MYO5B: variants seen among roughly 807,000 people sequenced by gnomAD.
MYO5B encodes unconventional myosin-Vb.
Under a neutral mutation model 229.3 loss-of-function variants are expected in MYO5B, and 143 were observed. The ratio of observed to expected loss-of-function variants is 0.62; its 90% CI spans 0.54 to 0.72. The LOEUF is 0.72. Among genes scored for constraint, MYO5B ranks in the 30% least tolerant of loss-of-function variants. The probability of loss-of-function intolerance (pLI) is 0.00; values close to 1 mark genes in which losing one functional copy is unlikely to be tolerated. For synonymous variants in MYO5B, 918 were observed against 885.2 expected, an observed-to-expected ratio of 1.04 and a Z score of -0.66; for missense variants, 2,321 against 2,331.0, an observed-to-expected ratio of 1.00 and a Z score of 0.09.
chr18:50,047,592 A>G (rs999812398), intron 2 of MYO5B, among the ~76,000 whole-genome samples: 1 of 152,222 alleles, frequency 6.6e-6, no homozygotes, highest in Non-Finnish European at 1.5e-5. Context: ...ATTACTGGGT[A>G]TATACCCAAA....
chr18:49,887,958 T>G (rs557149171), intron 22 of MYO5B, among the ~76,000 whole-genome samples: 33 of 152,236 alleles, frequency 2.2e-4, no homozygotes, highest in Admixed American at 3.9e-4. Flanking sequence ...AGTGCTGGGA[T>G]TACAGACATG....
chr18:49,830,144 T>TA (rs1568600047), intron 39 of MYO5B, among the ~76,000 whole-genome samples: 3 of 46,054 alleles, frequency 6.5e-5, no homozygotes, highest in African/African-American at 1.7e-4. Flanking sequence ...ACTGAAAGAA[T>TA]CCACACACAC....
At chr18:50,167,195 T>C (rs1324140438) in intron 1 of MYO5B, among the ~76,000 whole-genome samples, 1 of 152,252 alleles carries the variant, frequency 6.6e-6, no homozygotes, top group Non-Finnish European at 1.5e-5. Flanking sequence ...TTGCTGTATA[T>C]TGCAGAAGGC....
chr18:50,170,370 A>C (rs1285081295), intron 1 of MYO5B, among the ~76,000 whole-genome samples: 1 of 127,934 alleles, frequency 7.8e-6, no homozygotes, highest in South Asian at 2.7e-4. Context: ...CACCGCCTCT[A>C]TGAGAAAGAT....
intron 29 of MYO5B, 59 bp downstream of exon 29, chr18:49,863,168 G>A: frequency 4.5e-6 from 6 of 1,347,596 alleles, no homozygotes; most frequent in Admixed American, 1.7e-5. Flanking sequence ...AAACAGACTC[G>A]TTTGGGCAGG....
chr18:50,108,326 G>A (rs1178086886), intron 1 of MYO5B, among the ~76,000 whole-genome samples: 4 of 152,208 alleles, frequency 2.6e-5, no homozygotes. Flanking sequence ...AGTGTGTACT[G>A]TTTTATAGTT....
chr18:49,837,452 T>C (rs1806875100), intron 37 of MYO5B, 65 bp downstream of exon 37: 1 of 1,581,554 alleles, frequency 6.3e-7, no homozygotes, highest in Non-Finnish European at 8.7e-7. Flanking sequence ...TCTTGTGTTC[T>C]GATTCTAGCT....
At chr18:49,922,191 AG>A (rs1205191016) in intron 17 of MYO5B, among the ~76,000 whole-genome samples, 1 of 152,258 alleles carries the variant, frequency 6.6e-6, no homozygotes, top group African/African-American at 2.4e-5. Flanking sequence ...TATTTCCTTC[AG>A]TAGCTAACAC....
chr18:49,980,313 T>C (rs1333046916), intron 9 of MYO5B, 131 bp downstream of exon 9: 1 of 768,316 alleles, frequency 1.3e-6, no homozygotes, highest in Admixed American at 2.0e-5. Context: ...TATCAGCAAG[T>C]GAACAGAAAC....
chr18:49,873,301 G>A (rs573328114), intron 26 of MYO5B, among the ~76,000 whole-genome samples: 2 of 152,336 alleles, frequency 1.3e-5, no homozygotes, highest in African/African-American at 4.8e-5. Flanking sequence ...CCCTGATTAA[G>A]ATGGATTTTT....
intron 2 of MYO5B, among the ~76,000 whole-genome samples, chr18:50,043,376 T>TAATATA (rs2030097018): frequency 1.0e-5 from 1 of 97,084 alleles, no homozygotes; most frequent in Non-Finnish European, 2.0e-5. Context: ...ATATAATATA[T>TAATATA]AATATATTAA....
chr18:49,979,161 T>C (rs528863441), intron 9 of MYO5B, among the ~76,000 whole-genome samples: 1 of 152,304 alleles, frequency 6.6e-6, no homozygotes, highest in East Asian at 1.9e-4. Flanking sequence ...GTCCTTCTCA[T>C]GGCATCACTG....
intron 1 of MYO5B, among the ~76,000 whole-genome samples, chr18:50,104,584 T>C (rs1303753244): frequency 1.3e-5 from 2 of 152,198 alleles, no homozygotes; most frequent in African/African-American, 4.8e-5. Flanking sequence ...AGCATGGGCA[T>C]CAGGAAAGAC....
At chr18:50,138,292 C>T (rs1003315324) in intron 1 of MYO5B, among the ~76,000 whole-genome samples, 1 of 152,202 alleles carries the variant, frequency 6.6e-6, no homozygotes, top group Non-Finnish European at 1.5e-5. Context: ...CAAGCTGAAT[C>T]ACTTCAATCT....
At chr18:49,873,666 G>A (rs187274815) in intron 26 of MYO5B, among the ~76,000 whole-genome samples, 65 of 152,300 alleles carry the variant, frequency 4.3e-4, no homozygotes, top group Non-Finnish European at 8.2e-4. Context: ...GGATGATATT[G>A]AGTACATTAC....
intron 21 of MYO5B, among the ~76,000 whole-genome samples, chr18:49,901,644 C>G (rs2024842617): frequency 6.6e-6 from 1 of 152,168 alleles, no homozygotes; most frequent in African/African-American, 2.4e-5. Flanking sequence ...GTCACATCAG[C>G]CACTCAACTT....
At chr18:49,873,014 A>G (rs751773003) in intron 26 of MYO5B, among the ~76,000 whole-genome samples, 3 of 152,222 alleles carry the variant, frequency 2.0e-5, no homozygotes, top group African/African-American at 2.4e-5. Flanking sequence ...TTTCCCAACT[A>G]AACTCTAAGC....
chr18:49,946,120 A>C (rs1598902820), intron 14 of MYO5B: 1 of 25,372 alleles, frequency 3.9e-5, no homozygotes, highest in Non-Finnish European at 9.4e-5. Flanking sequence ...TTTACTGTAA[A>C]AAAAAAAAAA....
chr18:49,878,810 G>T, intron 24 of MYO5B, 135 bp downstream of exon 24: 1 of 1,095,974 alleles, frequency 9.1e-7, no homozygotes, highest in Non-Finnish European at 1.4e-6. Flanking sequence ...CCTCTCTGCA[G>T]TAATGGCAAG....
Sources: allele counts gnomAD v4.1 joint callset (sites outside exome capture counted in the v4.1 genomes callset), GRCh38; gene constraint gnomAD v4.1.1; transcripts MANE v1.5; gene names NCBI Gene and HGNC (gene_info 2026-07-23, HGNC 2026-07-21).